Variants in DNAJC15 observed in about 807,000 individuals in gnomAD.
The protein encoded by DNAJC15 is DnaJ heat shock protein family (Hsp40) member C15, also known as dnaJ homolog subfamily C member 15.
DNAJC15 carries 27 observed loss-of-function variants against 22.4 expected under a neutral mutation model. The observed-to-expected ratio is 1.20, with a 90% CI of 0.89 to 1.66. The LOEUF (loss-of-function observed/expected upper bound fraction) is 1.66, where lower values mean the gene tolerates loss of function less well. DNAJC15 is among the 40% of genes most tolerant of loss of function. The probability of loss-of-function intolerance (pLI) is 0.00; values close to 1 mark genes in which losing one functional copy is unlikely to be tolerated. For synonymous variants in DNAJC15, 79 were observed against 63.2 expected (o/e 1.25, Z -1.19); for missense variants, 208 against 187.1 (o/e 1.11, Z -0.65).
chr13:43,026,883 TC>T (rs1676288562), intron 1 of DNAJC15, among the ~76,000 whole-genome samples: 1 of 152,030 alleles, frequency 6.6e-6, no homozygotes, highest in Admixed American at 6.6e-5. Flanking sequence ...AAAAGAAAAA[TC>T]AAAAAGAAAT....
At chr13:43,034,177 C>T (rs906931919) in intron 1 of DNAJC15, among the ~76,000 whole-genome samples, 1 of 151,922 alleles carries the variant, frequency 6.6e-6, no homozygotes, top group Admixed American at 6.6e-5. Flanking sequence ...TATTTGCATA[C>T]TGCACTTTTT....
chr13:43,087,757 A>G (rs1053881671), intron 5 of DNAJC15, among the ~76,000 whole-genome samples: 3 of 152,248 alleles, frequency 2.0e-5, no homozygotes, highest in African/African-American at 7.2e-5. Context: ...GTGACCAACT[A>G]TAATTTGTTA....
chr13:43,025,490 T>C (rs1403569137), intron 1 of DNAJC15, among the ~76,000 whole-genome samples: 3 of 152,234 alleles, frequency 2.0e-5, no homozygotes, highest in African/African-American at 7.2e-5. Flanking sequence ...CTGTGTCCTG[T>C]AATATCCTGA....
rs141036727 is a variant in DNAJC15 at position 43,069,813 on chromosome 13, T to C, written c.234+810T>C. Among the ~76,000 whole-genome samples, 481 of 152,304 alleles carry C rather than the reference T, an allele frequency of 3.2e-3. 5 individuals carry two copies. Among genetic ancestry groups the C allele is most frequent in the Middle Eastern group, 0.01 (3 of 294 alleles). On this transcript the variant is annotated intron_variant, in intron 3 of 5. Transcript: ENST00000379221. Reference sequence around the variant, plus strand: ...GGGATGGGGACTCACTAAATGTTTATTAAATAAATGAACAGTAATTAAACA... The same window carrying C: ...GGGATGGGGACTCACTAAATGTTTACTAAATAAATGAACAGTAATTAAACA...
At chr13:43,096,104 A>G (rs1406290720) in intron 5 of DNAJC15, among the ~76,000 whole-genome samples, 2 of 152,102 alleles carry the variant, frequency 1.3e-5, no homozygotes, top group Non-Finnish European at 2.9e-5. Context: ...AGAGAAGGTG[A>G]TTTAGAAGAG....
chr13:43,090,988 T>C (rs1435761723), intron 5 of DNAJC15, among the ~76,000 whole-genome samples: 2 of 152,154 alleles, frequency 1.3e-5, no homozygotes, highest in Admixed American at 6.5e-5. Flanking sequence ...TATTTCTAGG[T>C]ATTTGTAAGA....
chr13:43,095,004 T>C (rs934583374), intron 5 of DNAJC15, among the ~76,000 whole-genome samples: 3 of 152,222 alleles, frequency 2.0e-5, no homozygotes, highest in African/African-American at 7.2e-5. Flanking sequence ...TGGGGTTTTT[T>C]AGTGGTTGTT....
At chr13:43,058,465 G>C (rs925357211) in intron 1 of DNAJC15, among the ~76,000 whole-genome samples, 3 of 152,076 alleles carry the variant, frequency 2.0e-5, no homozygotes, top group African/African-American at 7.2e-5. Context: ...ATTGTCCTTG[G>C]GCAGGGCTTG....
At chr13:43,066,794 T>C (rs1323781753) in intron 2 of DNAJC15, among the ~76,000 whole-genome samples, 1 of 152,158 alleles carries the variant, frequency 6.6e-6, no homozygotes, top group Non-Finnish European at 1.5e-5. Context: ...AGCTAATGTT[T>C]TTTGTATTTT....
At position 43,075,548 on chromosome 13, in the gene DNAJC15, A is replaced by G. The variant is rs548792862; in HGVS notation, c.235-3064A>G. The stretch of plus-strand genomic sequence containing the variant: ...CAAAAGTAGGAGCAAATATTTGGTG[A>G]TACTTCTGTTTTGTTATGACTAAAT... On this transcript the variant is annotated intron_variant, in intron 3 of 5. Transcript: ENST00000379221. Among the ~76,000 whole-genome samples, 3 of 152,330 alleles carry G rather than the reference A, an allele frequency of 2.0e-5. No homozygotes were observed. The South Asian group carries it at 6.2e-4, about 32-fold the overall frequency.
intron 2 of DNAJC15, among the ~76,000 whole-genome samples, chr13:43,067,684 A>C (rs779327789): frequency 4.6e-5 from 7 of 152,264 alleles, no homozygotes; most frequent in African/African-American, 1.7e-4. Context: ...ATTTAGGAGA[A>C]AGTACACTTA....
chr13:43,094,066 A>G (rs1593329999), intron 5 of DNAJC15, among the ~76,000 whole-genome samples: 4 of 152,364 alleles, frequency 2.6e-5, no homozygotes, highest in Middle Eastern at 6.8e-3. Context: ...CTTCCTTGCT[A>G]TTAAACCAGA....
intron 1 of DNAJC15, among the ~76,000 whole-genome samples, chr13:43,033,580 C>CAAAAA (rs2040413723): frequency 2.0e-5 from 3 of 152,266 alleles, no homozygotes; most frequent in South Asian, 4.1e-4. Context: ...GTGGCTGTGA[C>CAAAAA]AGTTTTTCAG....
intron 5 of DNAJC15, among the ~76,000 whole-genome samples, chr13:43,103,763 T>TA (rs2040782452): frequency 6.6e-6 from 1 of 152,220 alleles, no homozygotes; most frequent in African/African-American, 2.4e-5. Context: ...TGTAGATTTG[T>TA]GGGTTTTTCC....
At chr13:43,059,782 GGGT>G (rs2040549327) in intron 1 of DNAJC15, among the ~76,000 whole-genome samples, 1 of 152,246 alleles carries the variant, frequency 6.6e-6, no homozygotes, top group African/African-American at 2.4e-5. Context: ...AGTCAGCAAA[GGGT>G]GGTGGATTAT....
intron 5 of DNAJC15, among the ~76,000 whole-genome samples, chr13:43,087,926 A>G (rs2040696950): frequency 6.6e-6 from 1 of 152,252 alleles, no homozygotes; most frequent in African/African-American, 2.4e-5. Flanking sequence ...TAAAAAAATA[A>G]TGCAGTAAAA....
At chr13:43,103,738 A>G (rs576129142) in intron 5 of DNAJC15, among the ~76,000 whole-genome samples, 2 of 152,342 alleles carry the variant, frequency 1.3e-5, no homozygotes, top group African/African-American at 4.8e-5. Context: ...GAGAAGAGGC[A>G]TCACTCACTA....
intron 5 of DNAJC15, among the ~76,000 whole-genome samples, chr13:43,101,026 A>G (rs1022853198): frequency 6.6e-6 from 1 of 152,170 alleles, no homozygotes; most frequent in East Asian, 1.9e-4. Flanking sequence ...CTCTAATAAC[A>G]TTTTTGGTTT....
chr13:43,087,676 C>A (rs1050220813), intron 5 of DNAJC15, among the ~76,000 whole-genome samples: 1 of 152,100 alleles, frequency 6.6e-6, no homozygotes, highest in African/African-American at 2.4e-5. Context: ...TATGTTTCCC[C>A]ACCCACCCCC....
Sources: gnomAD v4.1 joint callset for allele counts (sites outside exome capture counted in the v4.1 genomes callset) on GRCh38, gnomAD v4.1.1 for gene constraint, MANE v1.5 for transcripts, NCBI Gene and HGNC (gene_info 2026-07-23, HGNC 2026-07-21) for gene names.